SLC19A1: variants seen among roughly 807,000 people sequenced by gnomAD.
SLC19A1 encodes reduced folate transporter.
A neutral mutation model predicts 35.3 loss-of-function variants in SLC19A1; 37 were observed. The observed-to-expected ratio is 1.05, with a 90% CI of 0.81 to 1.38. The LOEUF is 1.38. Ranked by LOEUF, SLC19A1 falls within the 40% of genes most tolerant of loss-of-function variation. The pLI is 0.00. For synonymous variants in SLC19A1, 460 were observed against 398.5 expected (o/e 1.15, Z -1.84); for missense variants, 831 against 826.9 (o/e 1.00, Z -0.06).
At position 45,531,876 on chromosome 21, in the gene SLC19A1, G is replaced by A; in HGVS notation, c.462C>T (p.Gly154=). ...VRPARYQRVA[G]YSRAAVLLGV... ...CCAGCAGCACCGCAGCGCGCGAGTA[G>A]CCGGCCACACGCTGGTAGCGCGCGG... The change falls in exon 3 of 6, where the codon GGC becomes GGT. Residue 154 remains glycine, a synonymous_variant. Coordinates refer to ENST00000311124, the MANE Select transcript of SLC19A1 (RefSeq NM_194255.4). 3 of 1,586,312 alleles carry A rather than the reference G, an allele frequency of 1.9e-6. No individual in the cohort carries two copies. Among genetic ancestry groups the A allele is most frequent in the Non-Finnish European group, 2.6e-6 (3 of 1,167,034 alleles).
At position 45,515,428 on chromosome 21, in the gene SLC19A1, A is replaced by G; in HGVS notation, c.*230T>C. The G allele has an allele frequency of 6.9e-7, 1 of 1,444,458 alleles. No individual in the cohort carries two copies. Among genetic ancestry groups the G allele is most frequent in the Non-Finnish European group, 9.0e-7 (1 of 1,107,416 alleles). The allele number at this position is 1,444,458 out of a possible 1,614,324, so 89.5% of individuals were successfully genotyped here. On this transcript the variant is annotated 3_prime_UTR_variant, in exon 6 of 6. Transcript: ENST00000311124. ...AGCCCACCACCCACCTCTTCCAGCA[A>G]CAAAGCCCGCGGGGCACAGTGCAGG...
At chr21:45,521,994 A>C (rs2077452800) in intron 5 of SLC19A1, among the ~76,000 whole-genome samples, 1 of 152,218 alleles carries the variant, frequency 6.6e-6, no homozygotes. Flanking sequence ...ATGGGAGTTA[A>C]AAAACACTTG....
intron 2 of SLC19A1, 51 bp downstream of exon 2, chr21:45,537,720 C>CCCCG (rs769022985): frequency 9.3e-6 from 1 of 107,122 alleles, no homozygotes; most frequent in Admixed American, 1.2e-4. Context: ...AGACGCTGCT[C>CCCCG]CCCGCCCACC....
intron 4 of SLC19A1, among the ~76,000 whole-genome samples, chr21:45,529,717 C>G (rs914540780): frequency 2.0e-5 from 3 of 146,766 alleles, no homozygotes; most frequent in Non-Finnish European, 3.0e-5. Context: ...GTGTGTCCAT[C>G]TGAGCGTGTA....
At position 45,529,156 on chromosome 21, in the gene SLC19A1, AG is replaced by A. The variant is rs1390151404; in HGVS notation, c.1151+1613del. Among the ~76,000 whole-genome samples, 5 of 152,244 alleles carry A rather than the reference AG, an allele frequency of 3.3e-5. No homozygotes were observed. The South Asian group carries it at 1.0e-3, about 32-fold the overall frequency. ...GAGAAGGCGGCCACACAGGAGCAGAAGGGGCCCCGAGTATGGCAGGGGCGGG... is the reference window on the plus strand; with the variant it reads ...GAGAAGGCGGCCACACAGGAGCAGAAGGGCCCCGAGTATGGCAGGGGCGGG... On this transcript the variant is annotated intron_variant, in intron 4 of 5. Coordinates refer to ENST00000311124, the MANE Select transcript of SLC19A1 (RefSeq NM_194255.4).
At chr21:45,539,138 A>C (rs1436731765) in intron 1 of SLC19A1, among the ~76,000 whole-genome samples, 1 of 152,182 alleles carries the variant, frequency 6.6e-6, no homozygotes, top group Non-Finnish European at 1.5e-5. Context: ...CCTTCAAGTA[A>C]GTCAAAAGTG....
chr21:45,511,891 G>A (rs1040536036), downstream of SLC19A1, among the ~76,000 whole-genome samples: 4 of 152,194 alleles, frequency 2.6e-5, no homozygotes, highest in African/African-American at 9.6e-5. Context: ...GCCACAGGAA[G>A]CCTCTGCTCA....
intron 1 of SLC19A1, among the ~76,000 whole-genome samples, chr21:45,551,058 C>G (rs1488031957): frequency 6.6e-6 from 1 of 151,502 alleles, no homozygotes; most frequent in Non-Finnish European, 1.5e-5. Flanking sequence ...CTTCACAGTC[C>G]CAGCTACGCC....
downstream of SLC19A1, chr21:45,510,176 GCGCCTTCCT>G: frequency 6.3e-7 from 1 of 1,596,480 alleles, no homozygotes; most frequent in Middle Eastern, 1.7e-4. Context: ...GGCACCTTCC[GCGCCTTCCT>G]GTCCTCGCGC....
At chr21:45,557,572 G>A (rs371250189) in intron 1 of SLC19A1, among the ~76,000 whole-genome samples, 4 of 152,206 alleles carry the variant, frequency 2.6e-5, no homozygotes, top group East Asian at 3.9e-4. Flanking sequence ...GCAGAGGAGC[G>A]AGGGCTGGGG....
At chr21:45,522,632 C>T (rs2077470704) in intron 5 of SLC19A1, among the ~76,000 whole-genome samples, 1 of 152,244 alleles carries the variant, frequency 6.6e-6, no homozygotes, top group African/African-American at 2.4e-5. Context: ...TACCTACACC[C>T]TGGAACAGCA....
At chr21:45,522,540 A>G (rs1014105292) in intron 5 of SLC19A1, among the ~76,000 whole-genome samples, 2 of 152,200 alleles carry the variant, frequency 1.3e-5, no homozygotes, top group Non-Finnish European at 2.9e-5. Context: ...AAAAACCTAT[A>G]AAAGAATGTC....
chr21:45,528,987 G>C (rs2146325780), intron 4 of SLC19A1, among the ~76,000 whole-genome samples: 1 of 152,368 alleles, frequency 6.6e-6, no homozygotes, highest in South Asian at 2.1e-4. Context: ...TGTCCCCCTG[G>C]CTGCAGCAAT....
At chr21:45,539,221 C>T (rs959793010) in intron 1 of SLC19A1, among the ~76,000 whole-genome samples, 13 of 152,206 alleles carry the variant, frequency 8.5e-5, no homozygotes, top group African/African-American at 3.1e-4. Flanking sequence ...GCCCTGGTCC[C>T]CCACAGGTGC....
intron 5 of SLC19A1, among the ~76,000 whole-genome samples, chr21:45,516,348 A>AG (rs960734870): frequency 2.0e-5 from 3 of 152,274 alleles, no homozygotes; most frequent in African/African-American, 4.8e-5. Context: ...ACAGGCCTGA[A>AG]GGGGGGTTCC....
rs972370449 is a variant in SLC19A1, at chr21:45,503,887, G to A, written c.498-5275C>T. On this transcript the variant is annotated intron_variant, in intron 3 of 4. Transcript: ENST00000417954. ...AACTAGGAAGAACCTAATTAAATAC[G>A]CGATCTCTACCGCGAAATGGCTAGA... 6.4e-5 allele frequency: 58 copies of A among 900,270 alleles called. 1 individual carries two copies. The highest frequency in any genetic ancestry group is 1.0e-4 in the East Asian group (4 of 40,178). 55.8% of individuals were successfully genotyped at this position (900,270 alleles called of 1,614,324 possible). A position where few individuals can be genotyped will look rare whatever the true frequency, so the allele number is the denominator to read the frequency against.
At chr21:45,507,038 G>A (rs929560961) in intron 3 of SLC19A1, 12 of 317,710 alleles carry the variant, frequency 3.8e-5, no homozygotes, top group Non-Finnish European at 5.6e-5. Context: ...GGAGGCAGGG[G>A]ATGGCATCCT....
chr21:45,562,785 G>T (rs2078627124), exon 1 of SLC19A1, among the ~76,000 whole-genome samples: 1 of 152,124 alleles, frequency 6.6e-6, no homozygotes, highest in Non-Finnish European at 1.5e-5. Flanking sequence ...CCGGTATCTA[G>T]GTGTGAATGG....
upstream of SLC19A1, among the ~76,000 whole-genome samples, chr21:45,548,298 C>T (rs186716813): frequency 6.6e-3 from 1,000 of 152,356 alleles, 11 homozygotes; most frequent in Middle Eastern, 0.031. Context: ...CCCTGTCAAA[C>T]TTGTAGATCT....
Sources: gnomAD v4.1 joint callset for allele counts (sites outside exome capture counted in the v4.1 genomes callset) on GRCh38, gnomAD v4.1.1 for gene constraint, MANE v1.5 for transcripts, NCBI Gene and HGNC (gene_info 2026-07-23, HGNC 2026-07-21) for gene names.